Variants in JADE1 observed in about 807,000 individuals in gnomAD.
JADE1 encodes the protein protein Jade-1.
Under a neutral mutation model 81.8 loss-of-function variants are expected in JADE1, and 14 were observed. The observed-to-expected ratio is 0.17, with a 90% CI of 0.11 to 0.27. The LOEUF is 0.27. JADE1 is among the 10% of genes least tolerant of loss of function. The pLI is 1.00. For synonymous variants in JADE1, 353 were observed against 391.9 expected (o/e 0.90, Z 1.17); for missense variants, 690 against 1,047.9 (o/e 0.66, Z 4.71).
intron 3 of JADE1, 30 bp downstream of exon 3, chr4:128,843,068 A>G: frequency 6.4e-7 from 1 of 1,559,468 alleles, no homozygotes; most frequent in Non-Finnish European, 8.8e-7. Context: ...CTGACCGTGC[A>G]TGAATATATG....
At chr4:128,857,826 C>A (rs1451804468) in intron 8 of JADE1, among the ~76,000 whole-genome samples, 2 of 152,188 alleles carry the variant, frequency 1.3e-5, no homozygotes, top group Non-Finnish European at 2.9e-5. Flanking sequence ...GAGAGTTGGC[C>A]ACCCTCCCAC....
At chr4:128,859,214 G>T (rs939045506) in intron 8 of JADE1, among the ~76,000 whole-genome samples, 3 of 152,086 alleles carry the variant, frequency 2.0e-5, no homozygotes, top group African/African-American at 7.2e-5. Flanking sequence ...GTATGGGTGT[G>T]TGTGTGAGTA....
Position 128,847,813 on chromosome 4 carries a change from C to T in JADE1, c.297-1167C>T, listed in dbSNP as rs1296071498. 3.9e-5 allele frequency among the ~76,000 whole-genome samples: 6 copies of T among 152,116 alleles called. 1 individual carries two copies. The South Asian group carries it at 1.0e-3, about 26-fold the overall frequency. On this transcript the variant is annotated intron_variant, in intron 4 of 10. Coordinates refer to ENST00000226319, the MANE Select transcript of JADE1 (RefSeq NM_199320.4). ...AGTGTCACGTAGATAAAATCACTCC[C>T]GTAATATAAGGGTGATGAAGGTACT...
intron 5 of JADE1, among the ~76,000 whole-genome samples, chr4:128,851,462 C>G (rs1439724146): frequency 6.6e-6 from 1 of 152,166 alleles, no homozygotes; most frequent in Non-Finnish European, 1.5e-5. Flanking sequence ...ATGACTTATT[C>G]AACAATGTAT....
At chr4:128,862,315 CAT>C in intron 9 of JADE1, 90 bp downstream of exon 9, 1 of 1,563,222 alleles carries the variant, frequency 6.4e-7, no homozygotes, top group Non-Finnish European at 8.7e-7. Context: ...GATAGCCAGT[CAT>C]ATACTCTCAG....
At chr4:128,853,867 T>G (rs1730573680) in intron 6 of JADE1, among the ~76,000 whole-genome samples, 1 of 152,184 alleles carries the variant, frequency 6.6e-6, no homozygotes, top group African/African-American at 2.4e-5. Flanking sequence ...CCTGGCTCCT[T>G]GATAGGGAGA....
rs1325327947 is a variant in JADE1 at position 128,846,002 on chromosome 4, T to A, written c.139-373T>A. 2.0e-5 allele frequency among the ~76,000 whole-genome samples: 3 copies of A among 152,116 alleles called. No homozygotes were observed. The highest frequency in any genetic ancestry group is 2.9e-5 in the Non-Finnish European group (2 of 68,026). On this transcript the variant is annotated intron_variant, in intron 3 of 10. Transcript: ENST00000226319. The surrounding 1 kb of genome is among the most constrained non-coding windows in gnomAD (Gnocchi z 4.0). Reference sequence around the variant, plus strand: ...TTGTTACATGGTTAGTGGAGTTATATTTCTAGAGCACCCTTGAGTGCAGTA... The same window carrying A: ...TTGTTACATGGTTAGTGGAGTTATAATTCTAGAGCACCCTTGAGTGCAGTA...
intron 1 of JADE1, among the ~76,000 whole-genome samples, chr4:128,817,271 C>A (rs1445309776): frequency 7.8e-6 from 1 of 127,904 alleles, no homozygotes; most frequent in Non-Finnish European, 1.7e-5. Context: ...TCTTGAACTC[C>A]AGAGCTGAGT....
At chr4:128,868,993 A>G (rs996472016) in intron 10 of JADE1, among the ~76,000 whole-genome samples, 4 of 152,176 alleles carry the variant, frequency 2.6e-5, no homozygotes, top group Non-Finnish European at 5.9e-5. Flanking sequence ...CTAGATTATT[A>G]TGGTGCACAG....
rs555681061 is a variant in JADE1, at chr4:128,852,082, C to T, written c.510C>T (p.Thr170=). ...GAATGCCTGAACTAGATGAATACAC[C>T]ATGGAGAGGGTCCTAGAGGAATTTG... ...EMGMPELDEY[T]MERVLEEFEQ... Residue 170 remains threonine (T), a synonymous_variant, in exon 6 of 11, where the codon ACC becomes ACT. Transcript: ENST00000226319. The T allele has an allele frequency of 6.2e-7, 1 of 1,613,752 alleles. No homozygotes were observed. Among genetic ancestry groups the T allele is most frequent in the South Asian group, 1.1e-5 (1 of 91,064 alleles).
At chr4:128,839,342 T>G (rs958773246) in intron 2 of JADE1, among the ~76,000 whole-genome samples, 1 of 152,192 alleles carries the variant, frequency 6.6e-6, no homozygotes, top group Non-Finnish European at 1.5e-5. Flanking sequence ...ATCAGCAAAG[T>G]CTAGGTTTTA....
Position 128,849,125 on chromosome 4 carries a change from G to A in JADE1, c.442G>A (p.Ala148Thr). Residue 148 changes from alanine (A) to threonine (T), a missense_variant, in exon 5 of 11, where the codon GCT (alanine) becomes ACT (threonine). This residue lies in a region of JADE1 where 98 missense variants were observed against 161.3 expected (regional missense o/e 0.61). Transcript: ENST00000226319. ...TCGCTATGACCTCAATGACATGGATGCTGCATGGCTGGAACTGACCAATGA... is the reference window on the plus strand; with the variant it reads ...TCGCTATGACCTCAATGACATGGATACTGCATGGCTGGAACTGACCAATGA... ...VCRYDLNDMD[A>T]AWLELTNEEF... 2 of 1,613,920 alleles carry A rather than the reference G, an allele frequency of 1.2e-6. No individual in the cohort carries two copies. Among genetic ancestry groups the A allele is most frequent in the Non-Finnish European group, 1.7e-6 (2 of 1,179,986 alleles).
intron 2 of JADE1, among the ~76,000 whole-genome samples, chr4:128,837,428 T>A (rs769460764): frequency 6.6e-6 from 1 of 152,220 alleles, no homozygotes; most frequent in Non-Finnish European, 1.5e-5. Context: ...GTATGTATGA[T>A]GCCTTTGTTT....
At chr4:128,863,854 G>T in intron 9 of JADE1, 1 of 985,462 alleles carries the variant, frequency 1.0e-6, no homozygotes, top group African/African-American at 1.7e-5. Flanking sequence ...TTGGGAGGGG[G>T]AGGACAAGAA....
chr4:128,817,163 T>G (rs1458287578), intron 1 of JADE1, among the ~76,000 whole-genome samples: 4 of 152,098 alleles, frequency 2.6e-5, no homozygotes, highest in African/African-American at 9.7e-5. Context: ...TGGCCAGTTT[T>G]CTATTACTTT....
intron 1 of JADE1, among the ~76,000 whole-genome samples, chr4:128,822,676 A>G (rs1727695201): frequency 1.3e-5 from 2 of 151,986 alleles, no homozygotes; most frequent in Non-Finnish European, 2.9e-5. Context: ...CCGAGATCAC[A>G]CCATTGCACT....
At chr4:128,842,898 A>G (rs1030725202) in intron 2 of JADE1, 55 bp from the exon 3 acceptor site, 30 of 1,504,400 alleles carry the variant, frequency 2.0e-5, no homozygotes, top group Non-Finnish European at 2.5e-5. Context: ...CCCTGAGAAC[A>G]CTCAGTGACC....
chr4:128,866,125 G>A (rs1731761956), intron 9 of JADE1, among the ~76,000 whole-genome samples: 1 of 152,222 alleles, frequency 6.6e-6, no homozygotes, highest in Non-Finnish European at 1.5e-5. Context: ...CCATTCCCAA[G>A]TTGGTGAGAA....
In JADE1 at chr4:128,872,602, A is replaced by C. The variant is rs989214434; in HGVS notation, c.*340A>C. The C allele has an allele frequency of 9.7e-5, 26 of 268,340 alleles. No individual in the cohort carries two copies. Among genetic ancestry groups the C allele is most frequent in the African/African-American group, 5.5e-4 (25 of 45,460 alleles). The allele number at this position is 268,340 out of a possible 1,614,324, so 16.6% of individuals were successfully genotyped here. A position where few individuals can be genotyped will look rare whatever the true frequency, so the allele number is the denominator to read the frequency against. ...TTTATAGCCCTCTGCATTCTTCCCA[A>C]AGCACAAACTCATGGTTACCTGAAT... On this transcript the variant is annotated 3_prime_UTR_variant, in exon 11 of 11. Coordinates refer to ENST00000226319, the MANE Select transcript of JADE1 (RefSeq NM_199320.4).
Sources: allele counts gnomAD v4.1 joint callset (sites outside exome capture counted in the v4.1 genomes callset), GRCh38; gene constraint gnomAD v4.1.1; regional missense constraint gnomAD v4.1.1; non-coding constraint Gnocchi (gnomAD v3.1); transcripts MANE v1.5; gene names NCBI Gene and HGNC (gene_info 2026-07-23, HGNC 2026-07-21).